The following CDK8 variants were observed in gnomAD, a reference collection of about 807,000 sequenced individuals.
The protein encoded by CDK8 is cyclin-dependent kinase 8.
Under a neutral mutation model 71.5 loss-of-function variants are expected in CDK8, and 29 were observed. The observed-to-expected ratio is 0.41, with a 90% CI of 0.30 to 0.55. The LOEUF (loss-of-function observed/expected upper bound fraction) is 0.55, where lower values mean the gene tolerates loss of function less well. Ranked by LOEUF, CDK8 falls within the 20% of genes least tolerant of loss-of-function variation. The pLI, the probability that CDK8 is intolerant of heterozygous loss-of-function variation, is 0.37. For synonymous variants in CDK8, 161 were observed against 192.1 expected (o/e 0.84, Z 1.34); for missense variants, 288 against 572.6 (o/e 0.50, Z 5.07).
At chr13:26,285,350 A>G (rs1566471662) in intron 1 of CDK8, among the ~76,000 whole-genome samples, 1 of 152,266 alleles carries the variant, frequency 6.6e-6, no homozygotes, top group African/African-American at 2.4e-5. Context: ...GTGATGAATT[A>G]ACACATGGAA....
At chr13:26,389,251 T>C (rs1055167383) in intron 6 of CDK8, among the ~76,000 whole-genome samples, 1 of 152,108 alleles carries the variant, frequency 6.6e-6, no homozygotes, top group South Asian at 2.1e-4. Context: ...CAACCTCCGC[T>C]TCCCAGGTTC....
chr13:26,263,198 C>A (rs574835975), intron 1 of CDK8, among the ~76,000 whole-genome samples: 1 of 151,998 alleles, frequency 6.6e-6, no homozygotes, highest in African/African-American at 2.4e-5. Flanking sequence ...TGCAATGGCG[C>A]GATCTCCGCT....
chr13:26,317,898 C>T (rs1874588038), intron 1 of CDK8, among the ~76,000 whole-genome samples: 1 of 151,766 alleles, frequency 6.6e-6, no homozygotes, highest in Non-Finnish European at 1.5e-5. Context: ...AAACTAAACC[C>T]AAAGCTGGCA....
At chr13:26,316,924 TAAAG>T (rs1439191327) in intron 1 of CDK8, among the ~76,000 whole-genome samples, 2 of 150,550 alleles carry the variant, frequency 1.3e-5, no homozygotes, top group Non-Finnish European at 3.0e-5. Context: ...CTTAAAAAAT[TAAAG>T]GAAGATGTGG....
rs1285659117 is a variant in CDK8, at chr13:26,382,819, T to A, written c.462T>A (p.Pro154=). 6.3e-7 allele frequency: 1 copy of A among 1,595,452 alleles called. No individual in the cohort carries two copies. Among genetic ancestry groups the A allele is most frequent in the Non-Finnish European group, 8.5e-7 (1 of 1,171,966 alleles). ...ACACTATTTTGTTTCCACAGAAACC[T>A]GCTAATATTTTAGTTATGGGTGAAG... ...ANWVLHRDLK[P]ANILVMGEGP... The change falls in exon 5 of 13, where the codon CCT becomes CCA. Residue 154 remains proline, a synonymous_variant. Transcript: ENST00000381527.
At chr13:26,304,450 GTAT>G (rs1873951845) in intron 1 of CDK8, among the ~76,000 whole-genome samples, 1 of 151,422 alleles carries the variant, frequency 6.6e-6, no homozygotes, top group Non-Finnish European at 1.5e-5. Context: ...ATATTATTGT[GTAT>G]TATTCTATCT....
intron 1 of CDK8, among the ~76,000 whole-genome samples, chr13:26,313,029 A>G (rs1008111135): frequency 3.7e-4 from 57 of 152,154 alleles, no homozygotes; most frequent in Admixed American, 1.3e-4. Flanking sequence ...CCTGAAATCA[A>G]TTACTTGCCT....
chr13:26,278,847 G>T (rs928260950), intron 1 of CDK8, among the ~76,000 whole-genome samples: 4 of 152,288 alleles, frequency 2.6e-5, no homozygotes, highest in African/African-American at 9.6e-5. Flanking sequence ...TGTCCGTACT[G>T]AACAGTTACA....
At chr13:26,304,794 A>T (rs1873969474) in intron 1 of CDK8, among the ~76,000 whole-genome samples, 1 of 151,504 alleles carries the variant, frequency 6.6e-6, no homozygotes, top group Non-Finnish European at 1.5e-5. Flanking sequence ...ACACTACCAT[A>T]CCCAGCTAAT....
At chr13:26,386,968 C>T (rs1167722882) in intron 6 of CDK8, among the ~76,000 whole-genome samples, 1 of 152,180 alleles carries the variant, frequency 6.6e-6, no homozygotes, top group Admixed American at 6.5e-5. Flanking sequence ...GGGAAATTCT[C>T]TTGTGTAGTC....
chr13:26,258,190 T>G (rs1308181323), intron 1 of CDK8, among the ~76,000 whole-genome samples: 1 of 152,176 alleles, frequency 6.6e-6, no homozygotes, highest in Non-Finnish European at 1.5e-5. Flanking sequence ...GCTAATTAAA[T>G]GTCAGCTAAG....
At chr13:26,361,783 C>CTTTTTTTTTTTTTT (rs1201582663) in intron 4 of CDK8, among the ~76,000 whole-genome samples, 5 of 112,222 alleles carry the variant, frequency 4.5e-5, no homozygotes, top group Non-Finnish European at 8.7e-5. Context: ...TTTTCTTTTC[C>CTTTTTTTTTTTTTT]CTTTTTTTTT....
At chr13:26,277,798 T>C (rs1442250511) in intron 1 of CDK8, among the ~76,000 whole-genome samples, 1 of 152,232 alleles carries the variant, frequency 6.6e-6, no homozygotes, top group Non-Finnish European at 1.5e-5. Context: ...GGTATATTTA[T>C]GAATGATAGA....
At chr13:26,326,386 G>A (rs1023919151) in intron 1 of CDK8, among the ~76,000 whole-genome samples, 4 of 152,162 alleles carry the variant, frequency 2.6e-5, no homozygotes, top group Non-Finnish European at 5.9e-5. Flanking sequence ...TATAGGTATC[G>A]TTGTTGGAGT....
intron 2 of CDK8, 94 bp downstream of exon 2, chr13:26,337,736 A>G: frequency 2.1e-6 from 1 of 479,722 alleles, no homozygotes; most frequent in Middle Eastern, 3.3e-4. Flanking sequence ...ATTAATTGAA[A>G]GTTAGTGAAT....
Position 26,330,388 on chromosome 13 carries a change from G to A in CDK8, c.129-7179G>A, listed in dbSNP as rs1161998328. On this transcript the variant is annotated intron_variant, in intron 1 of 12. Transcript: ENST00000381527. The stretch of plus-strand genomic sequence containing the variant: ...GCCTGACTAATTTTGTGTTTTTAGT[G>A]GAGGCAGGGTTTCACCATGTTGGCC... Among the ~76,000 whole-genome samples, 7 of 151,918 alleles carry A rather than the reference G, an allele frequency of 4.6e-5. No homozygotes were observed. The South Asian group carries it at 1.2e-3, about 27-fold the overall frequency.
chr13:26,384,884 G>C (rs943304680), intron 5 of CDK8, among the ~76,000 whole-genome samples: 4 of 152,150 alleles, frequency 2.6e-5, no homozygotes, highest in Non-Finnish European at 4.4e-5. Context: ...CCAGTACTAA[G>C]AATGGAAATG....
At chr13:26,257,771 T>C (rs189856944) in intron 1 of CDK8, among the ~76,000 whole-genome samples, 32 of 152,310 alleles carry the variant, frequency 2.1e-4, no homozygotes, top group Non-Finnish European at 2.9e-5. Context: ...AAAATATCAA[T>C]TTGGGATAAG....
At chr13:26,265,909 C>T (rs572806785) in intron 1 of CDK8, among the ~76,000 whole-genome samples, 7 of 152,186 alleles carry the variant, frequency 4.6e-5, no homozygotes, top group South Asian at 4.1e-4. Context: ...CTTGGTAACA[C>T]GATCAGAATG....
Sources: gnomAD v4.1 joint callset for allele counts (sites outside exome capture counted in the v4.1 genomes callset) on GRCh38, gnomAD v4.1.1 for gene constraint, MANE v1.5 for transcripts, NCBI Gene and HGNC (gene_info 2026-07-23, HGNC 2026-07-21) for gene names.